Variants in RBPJ observed in about 807,000 individuals in gnomAD.
RBPJ encodes recombining binding protein suppressor of hairless.
In RBPJ, 9 loss-of-function variants were observed where a neutral mutation model predicts 67.8. The ratio of observed to expected loss-of-function variants is 0.13; its 90% CI spans 0.08 to 0.23. The LOEUF is 0.23. Ranked by LOEUF, RBPJ falls within the 10% of genes least tolerant of loss-of-function variation. The probability of loss-of-function intolerance (pLI) is 1.00; values close to 1 mark genes in which losing one functional copy is unlikely to be tolerated. For missense variants in RBPJ, 305 were observed against 595.6 expected, an observed-to-expected ratio of 0.51 and a Z score of 5.08; for synonymous variants, 198 against 203.3, an observed-to-expected ratio of 0.97 and a Z score of 0.22.
the RBPJ span, among the ~76,000 whole-genome samples, chr4:26,132,522 G>T: frequency 6.6e-6 from 1 of 152,072 alleles, no homozygotes; most frequent in East Asian, 1.9e-4. Context: ...TGAGGCTTCT[G>T]GGAGGCCCCA....
chr4:26,430,690 A>C lies in RBPJ; in HGVS notation c.1149-2A>C. The C allele has an allele frequency of 6.2e-7, 1 of 1,612,682 alleles. No homozygotes were observed. Among genetic ancestry groups the C allele is most frequent in the Non-Finnish European group, 8.5e-7 (1 of 1,179,012 alleles). ...TTTAAGTGATTTCTATTTCCTCCTC[A>C]GGTGTGGAGAGAGTATGCTCTGTGT... On this transcript the variant is annotated splice_acceptor_variant, in intron 10 of 10. Transcript: ENST00000355476. LOFTEE classifies it high-confidence loss of function. The surrounding 1 kb of genome is among the most constrained non-coding windows in gnomAD (Gnocchi z 4.1).
chr4:26,220,614 T>C (rs940701640), intron 1 of RBPJ, among the ~76,000 whole-genome samples: 4 of 152,190 alleles, frequency 2.6e-5, no homozygotes, highest in Admixed American at 6.5e-5. Context: ...GTCCCACTCA[T>C]AAAGAATTTA....
At chr4:26,151,816 C>G in the RBPJ span, among the ~76,000 whole-genome samples, 1 of 152,246 alleles carries the variant, frequency 6.6e-6, no homozygotes, top group South Asian at 2.1e-4. Flanking sequence ...CAAGAGGAGC[C>G]TTCTCTTTTT....
chr4:26,333,165 G>A (rs2109361984), intron 1 of RBPJ, among the ~76,000 whole-genome samples: 1 of 152,254 alleles, frequency 6.6e-6, no homozygotes, highest in East Asian at 1.9e-4. Flanking sequence ...CTGACTGCCG[G>A]TCTTGAGTAT....
intron 1 of RBPJ, chr4:26,359,582 G>A (rs1290178210): frequency 6.6e-6 from 1 of 152,120 alleles, no homozygotes; most frequent in Non-Finnish European, 1.5e-5. Context: ...CAGCCTCGAG[G>A]CCTTCCCTGC....
chr4:26,318,996 C>CA (rs201084739), upstream of RBPJ, among the ~76,000 whole-genome samples: 643 of 83,674 alleles, frequency 7.7e-3, 13 homozygotes, highest in Non-Finnish European at 0.013. Context: ...GACTCCGTCT[C>CA]AAAAAAAAAA....
At chr4:26,256,270 G>A (rs1720342687) in intron 1 of RBPJ, among the ~76,000 whole-genome samples, 1 of 150,676 alleles carries the variant, frequency 6.6e-6, no homozygotes, top group Non-Finnish European at 1.5e-5. Context: ...AAATGGAATA[G>A]GAGAATCTCT....
intron 1 of RBPJ, among the ~76,000 whole-genome samples, chr4:26,272,060 G>T (rs1027456219): frequency 1.3e-5 from 2 of 152,108 alleles, no homozygotes; most frequent in Non-Finnish European, 2.9e-5. Context: ...ACCAGGACTG[G>T]GTTGGGAATA....
chr4:26,206,341 T>C lies in RBPJ; in HGVS notation c.-167+42727T>C, dbSNP rs140874970. Among the ~76,000 whole-genome samples the C allele has an allele frequency of 2.6e-5, 4 of 152,320 alleles. No homozygotes were observed. In the East Asian group the frequency reaches 7.7e-4, roughly 29 times the overall value. ...AGGGACTGTGACTATCCTTGTGAAA[T>C]TAGCAGTTGCTTCAAATCATCTTCT... On this transcript the variant is annotated intron_variant, in intron 1 of 4. Transcript: ENST00000512351.
At chr4:26,371,548 C>G (rs1729163360) in intron 1 of RBPJ, among the ~76,000 whole-genome samples, 1 of 151,712 alleles carries the variant, frequency 6.6e-6, no homozygotes, top group Non-Finnish European at 1.5e-5. Context: ...TTTCTCAGCA[C>G]AAATACAGTG....
At chr4:26,297,697 CA>C (rs1721927349) in intron 1 of RBPJ, among the ~76,000 whole-genome samples, 2 of 150,028 alleles carry the variant, frequency 1.3e-5, no homozygotes, top group Admixed American at 6.6e-5. Flanking sequence ...TATAATTTAT[CA>C]AAGAAAAAAA....
intron 1 of RBPJ, among the ~76,000 whole-genome samples, chr4:26,213,388 GT>G (rs1382467674): frequency 6.6e-6 from 1 of 151,886 alleles, no homozygotes. Flanking sequence ...TGTTGTTTGG[GT>G]TTTTTTTCCT....
At chr4:26,212,226 A>T (rs1465674512) in intron 1 of RBPJ, among the ~76,000 whole-genome samples, 1 of 152,106 alleles carries the variant, frequency 6.6e-6, no homozygotes, top group Non-Finnish European at 1.5e-5. Flanking sequence ...GGCTAATTTT[A>T]CTTTTAACAT....
chr4:26,218,318 C>T (rs999072544), intron 1 of RBPJ, among the ~76,000 whole-genome samples: 1 of 152,154 alleles, frequency 6.6e-6, no homozygotes, highest in Admixed American at 6.5e-5. Flanking sequence ...GAGCAGATGA[C>T]TATAAAGACA....
At chr4:26,122,055 A>C in the RBPJ span, among the ~76,000 whole-genome samples, 3 of 152,122 alleles carry the variant, frequency 2.0e-5, no homozygotes, top group African/African-American at 7.2e-5. Context: ...ACTTTGACCC[A>C]AGCAAGGCTA....
rs1736470008 is a variant in RBPJ at position 26,434,105 on chromosome 4, AGTGATTTCAGC to A, written c.*3101_*3111del. 6.6e-6 allele frequency: 1 copy of A among 152,214 alleles called. No individual in the cohort carries two copies. The allele number at this position is 152,214 out of a possible 1,614,324, so 9.4% of individuals were successfully genotyped here. A position where few individuals can be genotyped will look rare whatever the true frequency, so the allele number is the denominator to read the frequency against. On this transcript the variant is annotated 3_prime_UTR_variant, in exon 11 of 11. Transcript: ENST00000355476. Reference sequence around the variant, plus strand: ...CCTTAAAAATGCCCTTTATATTTTGAGTGATTTCAGCGTTGAACACTAGTATACTATCTAAA... The same window carrying A: ...CCTTAAAAATGCCCTTTATATTTTGAGTTGAACACTAGTATACTATCTAAA...
chr4:26,345,546 T>A (rs1726041568), intron 1 of RBPJ, among the ~76,000 whole-genome samples: 1 of 152,184 alleles, frequency 6.6e-6, no homozygotes, highest in Admixed American at 6.5e-5. Flanking sequence ...ATGATGTAAA[T>A]ATTAATATGA....
At position 26,430,256 on chromosome 4, in the gene RBPJ, C is replaced by T; in HGVS notation, c.1045-163C>T. On this transcript the variant is annotated intron_variant, in intron 9 of 10. Transcript: ENST00000355476. This position sits in a 1 kb window ranked among gnomAD's most constrained non-coding sequence, Gnocchi z 4.1. Reference sequence around the variant, plus strand: ...GCCAGAAAATTTAAATGTAAATAAACTTGTATGTTATCTTGAAATGTTTTT... The same window carrying T: ...GCCAGAAAATTTAAATGTAAATAAATTTGTATGTTATCTTGAAATGTTTTT... The T allele has an allele frequency of 1.2e-6, 1 of 846,288 alleles. No homozygotes were observed. Among genetic ancestry groups the T allele is most frequent in the Non-Finnish European group, 1.8e-6 (1 of 540,642 alleles). 52.4% of individuals were successfully genotyped at this position (846,288 alleles called of 1,614,324 possible).
intron 1 of RBPJ, among the ~76,000 whole-genome samples, chr4:26,261,229 C>A (rs1720521147): frequency 6.6e-6 from 1 of 150,506 alleles, no homozygotes; most frequent in African/African-American, 2.5e-5. Context: ...ATGAGATTGC[C>A]AAAAAGAAAA....
Sources: allele counts gnomAD v4.1 joint callset (sites outside exome capture counted in the v4.1 genomes callset), GRCh38; gene constraint gnomAD v4.1.1; non-coding constraint Gnocchi (gnomAD v3.1); transcripts MANE v1.5; gene names NCBI Gene and HGNC (gene_info 2026-07-23, HGNC 2026-07-21).